Variants in TMEM79 observed in about 807,000 individuals in gnomAD.
The protein encoded by TMEM79 is mattrin.
TMEM79 carries 30 observed loss-of-function variants against 31.2 expected under a neutral mutation model. The observed-to-expected ratio is 0.96, with a 90% CI of 0.72 to 1.30. The LOEUF (loss-of-function observed/expected upper bound fraction) is 1.30, where lower values mean the gene tolerates loss of function less well. Among genes scored for constraint, TMEM79 ranks in the 50% most tolerant of loss-of-function variants. The probability of loss-of-function intolerance (pLI) is 0.00; values close to 1 mark genes in which losing one functional copy is unlikely to be tolerated. For synonymous variants in TMEM79, 213 were observed against 229.5 expected (o/e 0.93, Z 0.65); for missense variants, 509 against 528.2 (o/e 0.96, Z 0.36).
chr1:156,291,548 C>T lies in TMEM79; in HGVS notation c.1135C>T (p.Pro379Ser), dbSNP rs750888907. 1.9e-6 allele frequency: 3 copies of T among 1,610,392 alleles called. No individual in the cohort carries two copies. The East Asian group carries it at 6.7e-5, about 36-fold the overall frequency. Residue 379 changes from proline (P) to serine (S), a missense_variant, in exon 4 of 4, where the codon CCG becomes TCG. By Grantham distance (74) the Pro-to-Ser change is moderately conservative. Coordinates refer to ENST00000405535, the MANE Select transcript of TMEM79 (RefSeq NM_032323.3). ...TGCCACCGAGAGCCGCCTGGACTAC[C>T]CGGACCACGCCCGCTCGGCCTCCGA... ...LTATESRLDY[P>S]DHARSASDYR... is the part of the protein sequence containing the mutation.
rs147736417 is a variant in TMEM79, at chr1:156,286,400, G to T, written c.898G>T (p.Val300Leu). Reference protein sequence around the residue: ...LFILYFFNLAVLSTYLPQDTL... With the variant: ...LFILYFFNLALLSTYLPQDTL... Reference sequence around the variant, plus strand: ...TATTCTCTACTTCTTCAACCTGGCCGTGCTTTCCACTTACCTGCCCCAGGA... The same window carrying T: ...TATTCTCTACTTCTTCAACCTGGCCTTGCTTTCCACTTACCTGCCCCAGGA... The change falls in exon 3 of 4, where the codon GTG becomes TTG. Residue 300 changes from valine (V) to leucine (L), a missense_variant. By Grantham distance (32) the Val-to-Leu change is conservative. Coordinates refer to ENST00000405535, the MANE Select transcript of TMEM79 (RefSeq NM_032323.3). The T allele has an allele frequency of 6.2e-7, 1 of 1,614,182 alleles. No individual in the cohort carries two copies. The highest frequency in any genetic ancestry group is 8.5e-7 in the Non-Finnish European group (1 of 1,180,034).
Position 156,285,728 on chromosome 1 carries a change from G to A in TMEM79, c.502G>A (p.Asp168Asn), listed in dbSNP as rs1008175798. The A allele has an allele frequency of 3.7e-6, 6 of 1,612,898 alleles. No individual in the cohort carries two copies. Among genetic ancestry groups the A allele is most frequent in the African/African-American group, 2.7e-5 (2 of 74,890 alleles). ...CATGCCCCCCCGGGTCACCCACCCC[G>A]ACCCCACTGAGCGCAAGTGGGCTGA... is the stretch of plus-strand genomic sequence containing the variant. ...TFMPPRVTHPDPTERKWAEAV... is the reference protein window; with the variant it reads ...TFMPPRVTHPNPTERKWAEAV... The change falls in exon 2 of 4, where the codon GAC becomes AAC. Residue 168 changes from aspartate to asparagine, a missense_variant. By Grantham distance (23) the Asp-to-Asn change is conservative. Coordinates refer to ENST00000405535, the MANE Select transcript of TMEM79 (RefSeq NM_032323.3).
In TMEM79 at chr1:156,285,275, T is replaced by C; in HGVS notation, c.49T>C (p.Ser17Pro). Residue 17 changes from serine (S) to proline (P), a missense_variant, in exon 2 of 4, where the codon TCC becomes CCC. Transcript: ENST00000405535. ...LALLEVKRSD[S>P]PEKSSPQALV... ...CCTACTGGAAGTGAAGAGGTCTGAT[T>C]CCCCAGAGAAGAGCTCACCCCAGGC... is the stretch of plus-strand genomic sequence containing the variant. 1 of 1,565,880 alleles carries C rather than the reference T, an allele frequency of 6.4e-7. No individual in the cohort carries two copies.
rs1366991639 is a variant in TMEM79, at chr1:156,286,476, A to T, written c.971+3A>T. 6.2e-7 allele frequency: 1 copy of T among 1,613,952 alleles called. No individual in the cohort carries two copies. The highest frequency in any genetic ancestry group is 8.5e-7 in the Non-Finnish European group (1 of 1,179,896). On this transcript the variant is annotated splice_donor_region_variant and intron_variant, in intron 3 of 3. Transcript: ENST00000405535. ...ACTGGTCTCTTTGCCGTCTCCCGGT[A>T]AGTTGGGGCAGAGGGTGGGGCATGG...
chr1:156,291,337 T>C, intron 3 of TMEM79, 48 bp from the exon 4 acceptor site: 1 of 1,580,458 alleles, frequency 6.3e-7, no homozygotes, highest in Non-Finnish European at 8.7e-7. Context: ...GCCAATCAGC[T>C]GACGCGCTTC....
chr1:156,286,251 TCCA>T lies in TMEM79; in HGVS notation c.758-6_758-4del. On this transcript the variant is annotated splice_region_variant and splice_polypyrimidine_tract_variant and intron_variant, in intron 2 of 3. Coordinates refer to ENST00000405535, the MANE Select transcript of TMEM79 (RefSeq NM_032323.3). ...TTCTGACCCTACCCTGTTTCCCAAC[TCCA>T]CCCAGGGATCCTGGTGTACGGGCTG... is the stretch of plus-strand genomic sequence containing the variant. 1 of 1,613,624 alleles carries T rather than the reference TCCA, an allele frequency of 6.2e-7. No homozygotes were observed. The highest frequency in any genetic ancestry group is 8.5e-7 in the Non-Finnish European group (1 of 1,179,620).
upstream of TMEM79, among the ~76,000 whole-genome samples, chr1:156,283,785 C>G (rs1049604895): frequency 1.3e-5 from 2 of 152,198 alleles, no homozygotes; most frequent in Admixed American, 6.5e-5. Context: ...TGCTGTTCCT[C>G]TGTCTGTAAC....
At position 156,291,662 on chromosome 1, in the gene TMEM79, T is replaced by A; in HGVS notation, c.*64T>A. On this transcript the variant is annotated 3_prime_UTR_variant, in exon 4 of 4. Transcript: ENST00000405535. Reference sequence around the variant, plus strand: ...TTGGGTCTGACACATCTTTGAACCTTGTGGCCAGGCCTGGACTTCGCCCCC... The same window carrying A: ...TTGGGTCTGACACATCTTTGAACCTAGTGGCCAGGCCTGGACTTCGCCCCC... 4 of 1,522,458 alleles carry A rather than the reference T, an allele frequency of 2.6e-6. No homozygotes were observed. Among genetic ancestry groups the A allele is most frequent in the Non-Finnish European group, 3.6e-6 (4 of 1,100,808 alleles). 94.3% of individuals were successfully genotyped at this position (1,522,458 alleles called of 1,614,324 possible).
chr1:156,286,214 T>C, intron 2 of TMEM79, 46 bp from the exon 3 acceptor site: 2 of 1,591,142 alleles, frequency 1.3e-6, no homozygotes, highest in Non-Finnish European at 1.7e-6. Context: ...TCTTGTGCCC[T>C]TCCCCTGCCT....
rs768289441 is a variant in TMEM79, at chr1:156,291,546, AC to A, written c.1136del (p.Pro379ArgfsTer28). The A allele has an allele frequency of 6.2e-7, 1 of 1,609,818 alleles. No individual in the cohort carries two copies. The highest frequency in any genetic ancestry group is 2.2e-5 in the East Asian group (1 of 44,848). On this transcript the variant is annotated frameshift_variant, in exon 4 of 4. Coordinates refer to ENST00000405535, the MANE Select transcript of TMEM79 (RefSeq NM_032323.3). LOFTEE classifies it high-confidence loss of function. ...ACTGCCACCGAGAGCCGCCTGGACT[AC>A]CCGGACCACGCCCGCTCGGCCTCCG... ...MLTATESRLD[Y>X]PDHARSASDY...
chr1:156,291,440 G>A lies in TMEM79; in HGVS notation c.1027G>A (p.Gly343Ser), dbSNP rs566078701. ...CCGCTCCTTCCGAGGCTTCGGCTAC[G>A]GCCTGACGTTTCTGCCACTGCTGTC... ...VGRSFRGFGY[G>S]LTFLPLLSML... The change falls in exon 4 of 4, where the codon GGC (glycine) becomes AGC (serine). Residue 343 changes from glycine (G) to serine (S), a missense_variant. By Grantham distance (56) the Gly-to-Ser change is moderately conservative. Coordinates refer to ENST00000405535, the MANE Select transcript of TMEM79 (RefSeq NM_032323.3). The A allele has an allele frequency of 6.2e-7, 1 of 1,613,906 alleles. No homozygotes were observed. Among genetic ancestry groups the A allele is most frequent in the African/African-American group, 1.3e-5 (1 of 75,010 alleles).
In TMEM79 at chr1:156,291,529, C is replaced by G; in HGVS notation, c.1116C>G (p.Thr372=). The part of the protein sequence containing the change: ...VVEPERMLTA[T]ESRLDYPDHA... ...AGCCGGAGCGCATGCTCACTGCCACCGAGAGCCGCCTGGACTACCCGGACC... is the reference window on the plus strand; with the variant it reads ...AGCCGGAGCGCATGCTCACTGCCACGGAGAGCCGCCTGGACTACCCGGACC... Residue 372 remains threonine (T), a synonymous_variant, in exon 4 of 4, where the codon ACC becomes ACG. Coordinates refer to ENST00000405535, the MANE Select transcript of TMEM79 (RefSeq NM_032323.3). 1.2e-6 allele frequency: 2 copies of G among 1,610,382 alleles called. No homozygotes were observed. Among genetic ancestry groups the G allele is most frequent in the South Asian group, 2.2e-5 (2 of 91,086 alleles).
At chr1:156,286,042 G>C (rs2842883) in intron 2 of TMEM79, 59 bp downstream of exon 2, 1,543,146 of 1,552,664 alleles carry the variant, frequency 0.99, 766,952 homozygotes, top group East Asian at 1. Context: ...GCAGGGCCTG[G>C]CTGGTGTGGG....
chr1:156,291,661 T>C lies in TMEM79; in HGVS notation c.*63T>C, dbSNP rs1408965652. 6.5e-7 allele frequency: 1 copy of C among 1,527,348 alleles called. No homozygotes were observed. Among genetic ancestry groups the C allele is most frequent in the Non-Finnish European group, 9.0e-7 (1 of 1,105,148 alleles). The allele number at this position is 1,527,348 out of a possible 1,614,324, so 94.6% of individuals were successfully genotyped here. A position where few individuals can be genotyped will look rare whatever the true frequency, so the allele number is the denominator to read the frequency against. On this transcript the variant is annotated 3_prime_UTR_variant, in exon 4 of 4. Transcript: ENST00000405535. ...CTTGGGTCTGACACATCTTTGAACCTTGTGGCCAGGCCTGGACTTCGCCCC... is the reference window on the plus strand; with the variant it reads ...CTTGGGTCTGACACATCTTTGAACCCTGTGGCCAGGCCTGGACTTCGCCCC...
rs771118509 is a variant in TMEM79, at chr1:156,286,323, G to T, written c.821G>T (p.Arg274Leu). The change falls in exon 3 of 4, where the codon CGG (arginine) becomes CTG (leucine). Residue 274 changes from arginine (R) to leucine (L), a missense_variant. By Grantham distance (102) the Arg-to-Leu change is moderately radical. Coordinates refer to ENST00000405535, the MANE Select transcript of TMEM79 (RefSeq NM_032323.3). ...FSALRPFGEP[R>L]REVEIHRRYV... is the part of the protein sequence containing the mutation. ...GCCCTTCGGCCCTTTGGGGAGCCAC[G>T]GCGGGAGGTGGAGATCCACCGGCGA... The T allele has an allele frequency of 1.9e-6, 3 of 1,614,088 alleles. No homozygotes were observed. The highest frequency in any genetic ancestry group is 3.3e-5 in the Admixed American group (2 of 60,008).
rs757635449 is a variant in TMEM79, at chr1:156,285,777, G to C, written c.551G>C (p.Cys184Ser). 1 of 1,613,538 alleles carries C rather than the reference G, an allele frequency of 6.2e-7. No individual in the cohort carries two copies. Among genetic ancestry groups the C allele is most frequent in the Non-Finnish European group, 8.5e-7 (1 of 1,179,972 alleles). The change falls in exon 2 of 4, where the codon TGT (cysteine) becomes TCT (serine). Residue 184 changes from cysteine (C) to serine (S), a missense_variant. By Grantham distance (112) the Cys-to-Ser change is moderately radical (BLOSUM62 -1). Transcript: ENST00000405535. ...GAGGCAGTGGTGAGGCCGCCTGGCT[G>C]TTCCTGTGGGGGCTGCGGGAGCTGT... ...WAEAVVRPPG[C>S]SCGGCGSCGD... is the part of the protein sequence containing the mutation.
chr1:156,285,682 C>T lies in TMEM79; in HGVS notation c.456C>T (p.Gly152=), dbSNP rs771684424. The T allele has an allele frequency of 2.5e-5, 41 of 1,613,532 alleles. No homozygotes were observed. The highest frequency in any genetic ancestry group is 3.3e-5 in the Non-Finnish European group (39 of 1,179,978). The change falls in exon 2 of 4, where the codon GGC becomes GGT. Residue 152 remains glycine (G), a synonymous_variant. Transcript: ENST00000405535. ...QEDLIVRCEA[G]EGECRTFMPP... ...ACCTTATCGTGCGCTGTGAGGCAGG[C>T]GAGGGCGAGTGCCGAACCTTCATGC...
At chr1:156,289,040 C>T (rs1313128622) in intron 3 of TMEM79, among the ~76,000 whole-genome samples, 1 of 152,182 alleles carries the variant, frequency 6.6e-6, no homozygotes, top group Non-Finnish European at 1.5e-5. Flanking sequence ...GAATCCAGGT[C>T]CTTTTCCTCT....
upstream of TMEM79, chr1:156,284,239 C>T (rs1163959232): frequency 6.6e-6 from 1 of 152,226 alleles, no homozygotes; most frequent in Admixed American, 6.5e-5. Flanking sequence ...CAGGGCGGGG[C>T]CTGCCCCTTT....
Sources: gnomAD v4.1 joint callset for allele counts (sites outside exome capture counted in the v4.1 genomes callset) on GRCh38, gnomAD v4.1.1 for gene constraint, MANE v1.5 for transcripts, NCBI Gene and HGNC (gene_info 2026-07-23, HGNC 2026-07-21) for gene names.